ZNF878: variants seen among roughly 807,000 people sequenced by gnomAD.
ZNF878 encodes the protein zinc finger protein 878.
In ZNF878, 10 loss-of-function variants were observed where a neutral mutation model predicts 11.1. That is an observed-to-expected ratio of 0.90 (90% CI 0.56 to 1.53). ZNF878 has a LOEUF of 1.53. ZNF878 is among the 40% of genes most tolerant of loss of function. The pLI is 0.00. For missense variants in ZNF878, 548 were observed against 626.1 expected, an observed-to-expected ratio of 0.88 and a Z score of 1.33; for synonymous variants, 165 against 209.7, an observed-to-expected ratio of 0.79 and a Z score of 1.84.
At chr19:12,052,588 C>G (rs1446966962) in intron 1 of ZNF878, among the ~76,000 whole-genome samples, 1 of 152,168 alleles carries the variant, frequency 6.6e-6, no homozygotes, top group Non-Finnish European at 1.5e-5. Context: ...CCGCAGTCGC[C>G]GCGCAGGGAC....
At position 12,044,755 on chromosome 19, in the gene ZNF878, T is replaced by C. The variant is rs573251786; in HGVS notation, c.646A>G (p.Thr216Ala). 6.2e-7 allele frequency: 1 copy of C among 1,614,208 alleles called. No individual in the cohort carries two copies. The highest frequency in any genetic ancestry group is 1.3e-5 in the African/African-American group (1 of 75,052). Residue 216 changes from threonine (T) to alanine (A), a missense_variant, in exon 4 of 4, where the codon ACA becomes GCA. Thr to Ala is a moderately conservative substitution (Grantham distance 58, BLOSUM62 0). Coordinates refer to ENST00000547628, the MANE Select transcript of ZNF878 (RefSeq NM_001080404.3). Reference protein sequence around the residue: ...KALSYLVSFQTHMRMHTGERP... With the variant: ...KALSYLVSFQAHMRMHTGERP... ...TCTCCAGTGTGCATTCTCATGTGTG[T>C]CTGAAAGCTTACAAGATAAGATAAT...
At position 12,044,707 on chromosome 19, in the gene ZNF878, ATATGTTACATT is replaced by A. The variant is rs1568350316; in HGVS notation, c.683_693del (p.Lys228MetfsTer25). Reference sequence around the variant, plus strand: ...CTGGGAGAAAAAAAGGCTTTCCCACATATGTTACATTTATGAGGTCTCTCTCCAGTGTGCAT... The same window carrying A: ...CTGGGAGAAAAAAAGGCTTTCCCACATATGAGGTCTCTCTCCAGTGTGCAT... On this transcript the variant is annotated frameshift_variant, in exon 4 of 4. Transcript: ENST00000547628. LOFTEE classifies it low-confidence loss of function (END_TRUNC). 6.2e-7 allele frequency: 1 copy of A among 1,614,072 alleles called. No homozygotes were observed. The highest frequency in any genetic ancestry group is 8.5e-7 in the Non-Finnish European group (1 of 1,180,000).
At chr19:12,050,270 C>T (rs1226351774) in intron 1 of ZNF878, among the ~76,000 whole-genome samples, 1 of 152,160 alleles carries the variant, frequency 6.6e-6, no homozygotes, top group East Asian at 1.9e-4. Context: ...ACTGAACTGG[C>T]TATAGAACAC....
At chr19:12,050,504 CTAAATTATCTTGAGGTT>C (rs1490172606) in intron 1 of ZNF878, among the ~76,000 whole-genome samples, 1 of 152,154 alleles carries the variant, frequency 6.6e-6, no homozygotes, top group Non-Finnish European at 1.5e-5. Flanking sequence ...TGCTGGAACT[CTAAATTATCTTGAGGTT>C]TAAAGGAATG....
At position 12,044,773 on chromosome 19, in the gene ZNF878, A is replaced by G. The variant is rs563425728; in HGVS notation, c.628T>C (p.Tyr210His). 2 of 1,614,188 alleles carry G rather than the reference A, an allele frequency of 1.2e-6. No individual in the cohort carries two copies. The highest frequency in any genetic ancestry group is 2.2e-5 in the South Asian group (2 of 91,082). ...ATGTGTGTCTGAAAGCTTACAAGAT[A>G]AGATAATGCTTTCCCACACTGCTTA... The part of the protein sequence containing the change: ...ECKQCGKALS[Y>H]LVSFQTHMRM... Residue 210 changes from tyrosine (Y) to histidine (H), a missense_variant, in exon 4 of 4, where the codon TAT (tyrosine) becomes CAT (histidine). Tyr to His is a moderately conservative substitution (Grantham distance 83, BLOSUM62 2). Coordinates refer to ENST00000547628, the MANE Select transcript of ZNF878 (RefSeq NM_001080404.3).
chr19:12,049,122 G>T (rs1424537422), intron 1 of ZNF878, among the ~76,000 whole-genome samples: 3 of 145,708 alleles, frequency 2.1e-5, no homozygotes, highest in Admixed American at 1.4e-4. Flanking sequence ...CAGCCTGGGC[G>T]AGAGGCAGCT....
In ZNF878 at chr19:12,044,934, C is replaced by G. The variant is rs1428633487; in HGVS notation, c.467G>C (p.Ser156Thr). 6.2e-7 allele frequency: 1 copy of G among 1,614,006 alleles called. No individual in the cohort carries two copies. Among genetic ancestry groups the G allele is most frequent in the Non-Finnish European group, 8.5e-7 (1 of 1,180,020 alleles). Residue 156 changes from serine (S) to threonine (T), a missense_variant, in exon 4 of 4, where the codon AGT (serine) becomes ACT (threonine). Ser to Thr is a moderately conservative substitution (Grantham distance 58, BLOSUM62 1). This residue lies in a region of ZNF878 where 53 missense variants were observed against 94.6 expected (regional missense o/e 0.56). Transcript: ENST00000547628. Reference protein sequence around the residue: ...KECGKAFRFPSSVRRHERIHS... With the variant: ...KECGKAFRFPTSVRRHERIHS... The stretch of plus-strand genomic sequence containing the variant: ...GATTCTTTCATGTCTACGAACAGAA[C>G]TGGGAAACCTGAATGCTTTCCCACA...
chr19:12,046,288 A>C (rs1975486379), intron 3 of ZNF878, 80 bp downstream of exon 3: 2 of 1,108,316 alleles, frequency 1.8e-6, no homozygotes, highest in Non-Finnish European at 2.6e-6. Flanking sequence ...TTTGTTTCTT[A>C]TGCTTGCTTC....
At chr19:12,046,872 T>C in intron 1 of ZNF878, 112 bp from the exon 2 acceptor site, 1 of 1,469,302 alleles carries the variant, frequency 6.8e-7, no homozygotes, top group South Asian at 1.3e-5. Context: ...CTCCAAACAT[T>C]TATTCCATGA....
In ZNF878 at chr19:12,044,926, G is replaced by T; in HGVS notation, c.475C>A (p.Arg159Ser). The part of the protein sequence containing the change: ...GKAFRFPSSV[R>S]RHERIHSAKK... Reference sequence around the variant, plus strand: ...GCAGAGTGGATTCTTTCATGTCTACGAACAGAACTGGGAAACCTGAATGCT... The same window carrying T: ...GCAGAGTGGATTCTTTCATGTCTACTAACAGAACTGGGAAACCTGAATGCT... The change falls in exon 4 of 4, where the codon CGT becomes AGT. Residue 159 changes from arginine (R) to serine (S), a missense_variant. Transcript: ENST00000547628. 1 of 1,613,866 alleles carries T rather than the reference G, an allele frequency of 6.2e-7. No homozygotes were observed. Among genetic ancestry groups the T allele is most frequent in the Non-Finnish European group, 8.5e-7 (1 of 1,179,980 alleles).
Position 12,044,365 on chromosome 19 carries a change from TCA to T in ZNF878, c.1034_1035del (p.Val345GlufsTer13), listed in dbSNP as rs1169665448. ...GEKPYECKKC[V>X]KAFSFVKDLR... is the part of the protein sequence containing the mutation. Reference sequence around the variant, plus strand: ...AGATCCTTGACAAAACTGAAGGCTTTCACACATTTTTTACATTCATAAGGTTT... The same window carrying T: ...AGATCCTTGACAAAACTGAAGGCTTTCACATTTTTTACATTCATAAGGTTT... On this transcript the variant is annotated frameshift_variant, in exon 4 of 4. Coordinates refer to ENST00000547628, the MANE Select transcript of ZNF878 (RefSeq NM_001080404.3). LOFTEE classifies it low-confidence loss of function (END_TRUNC). The T allele has an allele frequency of 6.2e-7, 1 of 1,612,730 alleles. No homozygotes were observed. The highest frequency in any genetic ancestry group is 8.5e-7 in the Non-Finnish European group (1 of 1,179,084).
At position 12,044,199 on chromosome 19, in the gene ZNF878, C is replaced by A; in HGVS notation, c.1202G>T (p.Gly401Val). 1 of 1,614,026 alleles carries A rather than the reference C, an allele frequency of 6.2e-7. No homozygotes were observed. The highest frequency in any genetic ancestry group is 8.5e-7 in the Non-Finnish European group (1 of 1,179,994). The change falls in exon 4 of 4, where the codon GGG (glycine) becomes GTG (valine). Residue 401 changes from glycine (G) to valine (V), a missense_variant. Gly to Val is a moderately radical substitution (Grantham distance 109). Coordinates refer to ENST00000547628, the MANE Select transcript of ZNF878 (RefSeq NM_001080404.3). Reference protein sequence around the residue: ...GEKPYECKQCGKAFRSASVLQ... With the variant: ...GEKPYECKQCVKAFRSASVLQ... ...GACTGAGGCAGATCTGAAGGCTTTC[C>A]CACATTGCTTACACTCATAGGGTTT...
At chr19:12,046,488 CT>C in intron 2 of ZNF878, 60 bp from the exon 3 acceptor site, 1 of 1,560,526 alleles carries the variant, frequency 6.4e-7, no homozygotes, top group Non-Finnish European at 8.7e-7. Context: ...TAAAAAGTTA[CT>C]TGATTCTATG....
Position 12,044,340 on chromosome 19 carries a change from A to T in ZNF878, c.1061T>A (p.Leu354His). The change falls in exon 4 of 4, where the codon CTT becomes CAT. Residue 354 changes from leucine (L) to histidine (H), a missense_variant. Physicochemically the swap from Leu to His is moderately conservative, Grantham distance 99 (BLOSUM62 -3). Around this residue, in one of 3 missense-constraint regions of ZNF878, gnomAD observed 335 missense variants for 358.2 expected, o/e 0.94. Coordinates refer to ENST00000547628, the MANE Select transcript of ZNF878 (RefSeq NM_001080404.3). ...AGTGTGTGTCCTTTCATGTATTCGAAGATCCTTGACAAAACTGAAGGCTTT... is the reference window on the plus strand; with the variant it reads ...AGTGTGTGTCCTTTCATGTATTCGATGATCCTTGACAAAACTGAAGGCTTT... Reference protein sequence around the residue: ...CVKAFSFVKDLRIHERTHTGE... With the variant: ...CVKAFSFVKDHRIHERTHTGE... 1 of 1,612,738 alleles carries T rather than the reference A, an allele frequency of 6.2e-7. No homozygotes were observed. The highest frequency in any genetic ancestry group is 1.1e-5 in the South Asian group (1 of 91,048).
Position 12,043,897 on chromosome 19 carries a change from T to C in ZNF878, c.1504A>G (p.Thr502Ala). The C allele has an allele frequency of 1.2e-6, 2 of 1,614,110 alleles. No homozygotes were observed. The highest frequency in any genetic ancestry group is 1.7e-6 in the Non-Finnish European group (2 of 1,180,012). ...NSFLYHERIH[T>A]GEKPYECKQC... ...TTACACTCATAGGGTTTCTCTCCAG[T>C]ATGAATCCTTTCATGGTAGAGAAAA... Residue 502 changes from threonine to alanine, a missense_variant, in exon 4 of 4, where the codon ACT becomes GCT. Around this residue, in one of 3 missense-constraint regions of ZNF878, gnomAD observed 335 missense variants for 358.2 expected, o/e 0.94. Coordinates refer to ENST00000547628, the MANE Select transcript of ZNF878 (RefSeq NM_001080404.3).
At chr19:12,047,725 A>G (rs1332028227) in intron 1 of ZNF878, among the ~76,000 whole-genome samples, 2 of 152,160 alleles carry the variant, frequency 1.3e-5, no homozygotes, top group Non-Finnish European at 2.9e-5. Flanking sequence ...TGGGAGGCCA[A>G]GGCGGGCAGA....
intron 1 of ZNF878, 106 bp downstream of exon 1, chr19:12,052,693 A>G: frequency 2.9e-6 from 4 of 1,400,786 alleles, no homozygotes; most frequent in Non-Finnish European, 3.8e-6. Context: ...CTGTGTCTGG[A>G]GCCCAGAGTC....
At chr19:12,045,720 C>CTTTATTTA (rs540524357) in intron 3 of ZNF878, among the ~76,000 whole-genome samples, 2 of 151,804 alleles carry the variant, frequency 1.3e-5, no homozygotes, top group South Asian at 2.1e-4. Flanking sequence ...ATTTTAAATG[C>CTTTATTTA]TTTATTTATT....
At chr19:12,049,420 C>A (rs1469009243) in intron 1 of ZNF878, among the ~76,000 whole-genome samples, 2 of 131,436 alleles carry the variant, frequency 1.5e-5, no homozygotes, top group Non-Finnish European at 3.1e-5. Context: ...GAGATGGTGT[C>A]ACTGCACTCC....
Sources: allele counts gnomAD v4.1 joint callset (sites outside exome capture counted in the v4.1 genomes callset), GRCh38; gene constraint gnomAD v4.1.1; regional missense constraint gnomAD v4.1.1; transcripts MANE v1.5; gene names NCBI Gene and HGNC (gene_info 2026-07-23, HGNC 2026-07-21).